R3HDM1: variants seen among roughly 807,000 people sequenced by gnomAD.
The protein encoded by R3HDM1 is R3H domain-containing protein 1.
In R3HDM1, 46 loss-of-function variants were observed where a neutral mutation model predicts 141.1. The observed-to-expected ratio is 0.33, with a 90% CI of 0.26 to 0.42. The LOEUF (loss-of-function observed/expected upper bound fraction) is 0.42, where lower values mean the gene tolerates loss of function less well. Ranked by LOEUF, R3HDM1 falls within the 10% of genes least tolerant of loss-of-function variation. The pLI is 1.00. For synonymous variants in R3HDM1, 435 were observed against 472.9 expected (o/e 0.92, Z 1.04); for missense variants, 1,184 against 1,368.3 (o/e 0.87, Z 2.12).
At chr2:135,562,334 A>G (rs537200969) in intron 1 of R3HDM1, among the ~76,000 whole-genome samples, 3 of 152,360 alleles carry the variant, frequency 2.0e-5, no homozygotes, top group South Asian at 4.1e-4. Context: ...TTCTGAAATC[A>G]TACAGCATAT....
chr2:135,616,307 G>T, intron 4 of R3HDM1, 114 bp downstream of exon 4: 2 of 1,074,834 alleles, frequency 1.9e-6, no homozygotes. Context: ...TTTATGGGGG[G>T]CAGAAAGCTT....
chr2:135,582,512 C>T (rs1445836003), intron 1 of R3HDM1, among the ~76,000 whole-genome samples: 9 of 152,042 alleles, frequency 5.9e-5, no homozygotes, highest in Admixed American at 5.9e-4. Context: ...CGTTTTGTGT[C>T]CCTGGGCTGT....
chr2:135,653,223 G>A (rs2065352139), intron 18 of R3HDM1, among the ~76,000 whole-genome samples: 1 of 152,082 alleles, frequency 6.6e-6, no homozygotes, highest in Non-Finnish European at 1.5e-5. Context: ...GGGCGTGGTG[G>A]TGCACGCCTG....
At chr2:135,600,530 T>C (rs187086932) in intron 1 of R3HDM1, among the ~76,000 whole-genome samples, 3 of 152,306 alleles carry the variant, frequency 2.0e-5, no homozygotes, top group Admixed American at 1.3e-4. Flanking sequence ...AAGCTAGATA[T>C]TCTTTTTTCC....
At chr2:135,533,678 G>A (rs1418498367) in intron 1 of R3HDM1, among the ~76,000 whole-genome samples, 6 of 152,208 alleles carry the variant, frequency 3.9e-5, no homozygotes. Flanking sequence ...GGGAGTTGGA[G>A]ACCAGCCTGA....
In R3HDM1 at chr2:135,710,168, T is replaced by C. The variant is rs1318798566; in HGVS notation, c.2673T>C (p.Tyr891=). The part of the protein sequence containing the change: ...HSPPQWKQNK[Y]YCDHQRGQKC... Reference sequence around the variant, plus strand: ...CCCCGCAGTGGAAACAAAACAAATATTACTGTGATCACCAGAGAGGACAGA... The same window carrying C: ...CCCCGCAGTGGAAACAAAACAAATACTACTGTGATCACCAGAGAGGACAGA... Residue 891 remains tyrosine, a synonymous_variant, in exon 23 of 27, where the codon TAT becomes TAC. Coordinates refer to ENST00000683871, the MANE Select transcript of R3HDM1 (RefSeq NM_001378107.1). 3.7e-6 allele frequency: 6 copies of C among 1,614,076 alleles called. No homozygotes were observed. Among genetic ancestry groups the C allele is most frequent in the Non-Finnish European group, 5.1e-6 (6 of 1,179,944 alleles).
At chr2:135,631,798 A>G (rs1410217572) in intron 8 of R3HDM1, 21 bp downstream of exon 8, 1 of 1,566,492 alleles carries the variant, frequency 6.4e-7, no homozygotes, top group South Asian at 1.2e-5. Flanking sequence ...ACATTCAACA[A>G]GAAAAGAAAT....
At position 135,620,632 on chromosome 2, in the gene R3HDM1, A is replaced by G. The variant is rs920227712; in HGVS notation, c.304-862A>G. On this transcript the variant is annotated intron_variant, in intron 5 of 26. Transcript: ENST00000683871. ...TGATGGTTTTCTTGACTATAGAACA[A>G]CAGTATAATTTAGTCTAAAAATAGG... 1.5e-5 allele frequency: 15 copies of G among 979,138 alleles called. No homozygotes were observed. In the African/African-American group the frequency reaches 2.6e-4, roughly 17 times the overall value. The allele number at this position is 979,138 out of a possible 1,614,324, so 60.7% of individuals were successfully genotyped here.
intron 19 of R3HDM1, among the ~76,000 whole-genome samples, chr2:135,673,662 A>G (rs2068727735): frequency 6.6e-6 from 1 of 152,250 alleles, no homozygotes; most frequent in Non-Finnish European, 1.5e-5. Flanking sequence ...GATGAGAACT[A>G]GAATACACAG....
At chr2:135,595,359 G>C (rs920409666) in intron 1 of R3HDM1, among the ~76,000 whole-genome samples, 1 of 152,138 alleles carries the variant, frequency 6.6e-6, no homozygotes, top group Non-Finnish European at 1.5e-5. Flanking sequence ...TTAGTTACTT[G>C]CTATTATATT....
At position 135,603,522 on chromosome 2, in the gene R3HDM1, T is replaced by C. The variant is rs561450041; in HGVS notation, c.-41+814T>C. Among the ~76,000 whole-genome samples the C allele has an allele frequency of 1.1e-3, 174 of 152,338 alleles. 2 individuals carry two copies. Among genetic ancestry groups the C allele is most frequent in the African/African-American group, 4.1e-3 (172 of 41,576 alleles). ...ACTTGCTATAACCTATATCTGTCTA[T>C]CCCTCTATATATCAATCTGTTCATT... On this transcript the variant is annotated intron_variant, in intron 2 of 26. Transcript: ENST00000683871.
chr2:135,596,274 A>G (rs1170410316), intron 1 of R3HDM1, among the ~76,000 whole-genome samples: 1 of 152,230 alleles, frequency 6.6e-6, no homozygotes, highest in African/African-American at 2.4e-5. Context: ...CTGGGATTAC[A>G]GGCATGAGCC....
chr2:135,551,893 GTTTAT>G (rs1471305492), intron 1 of R3HDM1, among the ~76,000 whole-genome samples: 2 of 152,120 alleles, frequency 1.3e-5, no homozygotes, highest in Non-Finnish European at 2.9e-5. Flanking sequence ...GAAGGCAAAT[GTTTAT>G]TTTAATATGA....
rs2076088871 is a variant in R3HDM1, at chr2:135,715,646, C to T, written c.2833C>T (p.Pro945Ser). The change falls in exon 24 of 27, where the codon CCA becomes TCA. Residue 945 changes from proline (P) to serine (S), a missense_variant. Physicochemically the swap from Pro to Ser is moderately conservative, Grantham distance 74 (BLOSUM62 -1). Transcript: ENST00000683871. ...TLKTVRPSGP[P>S]LSIMPQFSRP... ...GAAAACTGTACGTCCCTCTGGACCA[C>T]CACTTTCCATCATGCCCCAATTTTC... is the stretch of plus-strand genomic sequence containing the variant. 6.2e-7 allele frequency: 1 copy of T among 1,613,740 alleles called. No individual in the cohort carries two copies. The highest frequency in any genetic ancestry group is 1.3e-5 in the African/African-American group (1 of 74,922).
At chr2:135,534,374 A>G (rs1695583370) in intron 1 of R3HDM1, among the ~76,000 whole-genome samples, 1 of 152,366 alleles carries the variant, frequency 6.6e-6, no homozygotes, top group South Asian at 2.1e-4. Flanking sequence ...TGTTACAACC[A>G]TATGTGACTA....
intron 19 of R3HDM1, among the ~76,000 whole-genome samples, chr2:135,665,629 T>C (rs1474532484): frequency 2.6e-5 from 4 of 152,230 alleles, no homozygotes. Flanking sequence ...AAGTGACATC[T>C]TTGGCCTAAT....
At chr2:135,596,278 A>G (rs77499886) in intron 1 of R3HDM1, among the ~76,000 whole-genome samples, 1 of 152,148 alleles carries the variant, frequency 6.6e-6, no homozygotes, top group African/African-American at 2.4e-5. Flanking sequence ...GATTACAGGC[A>G]TGAGCCACCG....
At chr2:135,601,880 T>C (rs1266298022) in intron 1 of R3HDM1, among the ~76,000 whole-genome samples, 1 of 152,092 alleles carries the variant, frequency 6.6e-6, no homozygotes, top group African/African-American at 2.4e-5. Context: ...CATGCTAGTC[T>C]TGAGCCCCTG....
At chr2:135,555,841 C>G (rs958017150) in intron 1 of R3HDM1, among the ~76,000 whole-genome samples, 2 of 152,072 alleles carry the variant, frequency 1.3e-5, no homozygotes, top group East Asian at 3.9e-4. Context: ...GCTGGGGCAA[C>G]ATAATTTCTA....
Sources: gnomAD v4.1 joint callset for allele counts (sites outside exome capture counted in the v4.1 genomes callset) on GRCh38, gnomAD v4.1.1 for gene constraint, MANE v1.5 for transcripts, NCBI Gene and HGNC (gene_info 2026-07-23, HGNC 2026-07-21) for gene names.